The following LRTM3 variants were observed in gnomAD, a reference collection of about 807,000 sequenced individuals.
LRTM3 encodes the protein leucine-rich repeat transmembrane protein 3.
At chr13:102,746,629 T>C in the LRTM3 span, 1 of 1,551,128 alleles carries the variant, frequency 6.4e-7, no homozygotes, top group Non-Finnish European at 8.7e-7. Flanking sequence ...TTGTTGTGAG[T>C]GCAAATGTTA....
chr13:102,746,201 A>C, the LRTM3 span: 1 of 1,550,954 alleles, frequency 6.4e-7, no homozygotes. Flanking sequence ...ACAGTTCAGC[A>C]CTGGGTCTGA....
At chr13:102,739,897 TTC>T in the LRTM3 span, 2 of 1,550,318 alleles carry the variant, frequency 1.3e-6, no homozygotes, top group Non-Finnish European at 1.7e-6. Flanking sequence ...TCCACTGCAT[TTC>T]TAGTCTGTTA....
At chr13:102,742,006 T>C in the LRTM3 span, 1 of 1,550,620 alleles carries the variant, frequency 6.4e-7, no homozygotes, top group Non-Finnish European at 8.7e-7. Context: ...AACCTGACAA[T>C]GACCTTTGCA....
the LRTM3 span, chr13:102,749,750 G>A: frequency 6.4e-7 from 1 of 1,551,308 alleles, no homozygotes; most frequent in Admixed American, 2.0e-5. Flanking sequence ...GGCTTGACTA[G>A]TAAATTGGAC....
the LRTM3 span, chr13:102,748,880 T>C: frequency 6.5e-7 from 1 of 1,550,318 alleles, no homozygotes; most frequent in Non-Finnish European, 8.7e-7. Context: ...ATACTCCTTT[T>C]CCTTTTTAGT....
the LRTM3 span, chr13:102,748,259 T>A: frequency 6.4e-7 from 1 of 1,551,090 alleles, no homozygotes. Context: ...TTCACGTAGG[T>A]CACTGTCTTC....
the LRTM3 span, chr13:102,742,576 T>C: frequency 1.9e-6 from 3 of 1,550,616 alleles, no homozygotes; most frequent in Non-Finnish European, 2.6e-6. Flanking sequence ...CTTCTTGATC[T>C]ATTAAATCAA....
At chr13:102,756,916 GGGA>G in the LRTM3 span, among the ~76,000 whole-genome samples, 3 of 152,050 alleles carry the variant, frequency 2.0e-5, no homozygotes, top group Admixed American at 2.0e-4. Context: ...TAGGCAGGAA[GGGA>G]ATAATAGGAC....
chr13:102,749,504 C>A, the LRTM3 span: 1 of 1,551,368 alleles, frequency 6.4e-7, no homozygotes, highest in South Asian at 1.2e-5. Context: ...AAACCAAACA[C>A]AATGTTGGTC....
chr13:102,749,798 G>A, the LRTM3 span: 1 of 1,551,232 alleles, frequency 6.4e-7, no homozygotes, highest in Admixed American at 2.0e-5. Context: ...ATTTTGTCCT[G>A]GAAAAGAATC....
chr13:102,748,456 T>A, the LRTM3 span: 2 of 1,551,090 alleles, frequency 1.3e-6, no homozygotes, highest in Non-Finnish European at 1.7e-6. Context: ...TATTTTCCCT[T>A]GGAAAGCACC....
At chr13:102,737,262 G>A in the LRTM3 span, 4 of 1,550,996 alleles carry the variant, frequency 2.6e-6, no homozygotes, top group Admixed American at 2.0e-5. Context: ...GACTTTGTAT[G>A]TGCTATTTTC....
At chr13:102,740,769 G>A in the LRTM3 span, 1 of 1,549,020 alleles carries the variant, frequency 6.5e-7, no homozygotes, top group East Asian at 2.4e-5. Context: ...GCCTGTCTTG[G>A]AAAAAGCAAG....
chr13:102,756,681 AAAAAAAAAAAAAAAC>A, the LRTM3 span, among the ~76,000 whole-genome samples: 1 of 101,156 alleles, frequency 9.9e-6, no homozygotes, highest in Non-Finnish European at 2.1e-5. Flanking sequence ...TCTAAAAAAA[AAAAAAAAAAAAAAAC>A]AAAAAAACAA....
At chr13:102,731,568 C>T in the LRTM3 span, 3 of 1,551,384 alleles carry the variant, frequency 1.9e-6, no homozygotes, top group South Asian at 1.2e-5. Flanking sequence ...TTCAAGTCGT[C>T]AGGCTTATAG....
At chr13:102,744,127 G>A in the LRTM3 span, 2 of 1,550,402 alleles carry the variant, frequency 1.3e-6, no homozygotes, top group Non-Finnish European at 1.7e-6. Flanking sequence ...CTTTCATCTT[G>A]TACTTAAAAC....
the LRTM3 span, chr13:102,738,149 G>A: frequency 6.4e-7 from 1 of 1,550,810 alleles, no homozygotes; most frequent in Admixed American, 2.0e-5. Context: ...TAGGTCCTGT[G>A]AAAGTGCCTT....
chr13:102,733,357 A>T, the LRTM3 span: 4 of 1,551,210 alleles, frequency 2.6e-6, no homozygotes, highest in South Asian at 4.8e-5. Flanking sequence ...TTGGCTTATC[A>T]AATTTACATG....
chr13:102,732,882 GA>G, the LRTM3 span: 1 of 1,551,436 alleles, frequency 6.4e-7, no homozygotes, highest in Non-Finnish European at 8.7e-7. Context: ...GCGTCTGTTT[GA>G]TGTTTTTCCT....
Sources: gnomAD v4.1 joint callset for allele counts (sites outside exome capture counted in the v4.1 genomes callset) on GRCh38, gnomAD v4.1.1 for gene constraint, MANE v1.5 for transcripts, NCBI Gene and HGNC (gene_info 2026-07-23, HGNC 2026-07-21) for gene names.